PRPF18: variants seen among roughly 807,000 people sequenced by gnomAD.
PRPF18 encodes the protein pre-mRNA-splicing factor 18.
In PRPF18, 38 loss-of-function variants were observed where a neutral mutation model predicts 46.5. The observed-to-expected ratio is 0.82, with a 90% CI of 0.63 to 1.07. PRPF18 has a LOEUF of 1.07. Among genes scored for constraint, PRPF18 ranks in the 50% least tolerant of loss-of-function variants. The probability of loss-of-function intolerance (pLI) is 0.00; values close to 1 mark genes in which losing one functional copy is unlikely to be tolerated. For missense variants in PRPF18, 263 were observed against 410.0 expected (o/e 0.64, Z 3.10); for synonymous variants, 152 against 146.7 (o/e 1.04, Z -0.26).
At chr10:13,618,316 T>C (rs1490295917) in intron 9 of PRPF18, among the ~76,000 whole-genome samples, 1 of 152,028 alleles carries the variant, frequency 6.6e-6, no homozygotes, top group East Asian at 1.9e-4. Flanking sequence ...AAGCTTATAA[T>C]TTGGGCAGTG....
the PRPF18 span, among the ~76,000 whole-genome samples, chr10:13,637,415 C>T: frequency 1.3e-5 from 2 of 152,186 alleles, no homozygotes; most frequent in Non-Finnish European, 2.9e-5. Flanking sequence ...TTGCATTTCT[C>T]TAATGGCTAA....
chr10:13,604,693 C>T (rs1055960010), intron 3 of PRPF18, among the ~76,000 whole-genome samples: 6 of 152,152 alleles, frequency 3.9e-5, no homozygotes, highest in South Asian at 4.1e-4. Flanking sequence ...TTGGTCCTAT[C>T]GAAGCAGTGA....
At chr10:13,621,804 G>A (rs2080423876) in intron 9 of PRPF18, among the ~76,000 whole-genome samples, 1 of 152,170 alleles carries the variant, frequency 6.6e-6, no homozygotes, top group Non-Finnish European at 1.5e-5. Context: ...TCTCTGGCAA[G>A]TTGTTTTCAG....
chr10:13,605,765 T>A (rs376267365), intron 4 of PRPF18, 21 bp downstream of exon 4: 207 of 1,598,374 alleles, frequency 1.3e-4, no homozygotes, highest in Non-Finnish European at 1.7e-4. Context: ...AGAACAAAGC[T>A]AGAAAAATAC....
intron 1 of PRPF18, chr10:13,592,213 G>T: frequency 1.6e-6 from 1 of 612,548 alleles, no homozygotes; most frequent in Non-Finnish European, 3.0e-6. Flanking sequence ...TCCCCTTCTT[G>T]GGCTTCTTAG....
Position 13,605,643 on chromosome 10 carries a change from T to C in PRPF18, c.262T>C (p.Leu88=). Residue 88 remains leucine (L), a synonymous_variant, in exon 4 of 10, where the codon TTG becomes CTG. Coordinates refer to ENST00000378572, the MANE Select transcript of PRPF18 (RefSeq NM_003675.4). ...TLSRQEVIRR[L]RERGEPIRLF... is the part of the protein sequence containing the mutation. Reference sequence around the variant, plus strand: ...TTTCACTTTGTAGGTCATCAGAAGATTGAGAGAAAGAGGAGAACCAATCAG... The same window carrying C: ...TTTCACTTTGTAGGTCATCAGAAGACTGAGAGAAAGAGGAGAACCAATCAG... 1.2e-6 allele frequency: 2 copies of C among 1,603,926 alleles called. No homozygotes were observed. The highest frequency in any genetic ancestry group is 2.2e-5 in the East Asian group (1 of 44,582).
intron 9 of PRPF18, among the ~76,000 whole-genome samples, chr10:13,620,686 C>T (rs2080408846): frequency 1.3e-5 from 2 of 152,114 alleles, no homozygotes; most frequent in African/African-American, 4.8e-5. Context: ...CTTGTAATGT[C>T]TGAGATAATT....
intron 5 of PRPF18, among the ~76,000 whole-genome samples, chr10:13,611,187 CTT>C (rs35441441): frequency 3.4e-3 from 410 of 120,938 alleles, no homozygotes; most frequent in African/African-American, 6.6e-3. Flanking sequence ...CAGTTGTGGG[CTT>C]TTTTTTTTTT....
the PRPF18 span, chr10:13,654,554 A>G: frequency 7.6e-7 from 1 of 1,316,698 alleles, no homozygotes; most frequent in South Asian, 1.2e-5. Context: ...GCAGACAGGG[A>G]TCAGACACAG....
chr10:13,610,417 T>C (rs1377140037), intron 5 of PRPF18, among the ~76,000 whole-genome samples: 1 of 152,264 alleles, frequency 6.6e-6, no homozygotes, highest in African/African-American at 2.4e-5. Context: ...TGCATCTTTC[T>C]GTTTGTTGGT....
At chr10:13,629,646 A>G (rs1003151373) in intron 9 of PRPF18, among the ~76,000 whole-genome samples, 10 of 152,232 alleles carry the variant, frequency 6.6e-5, no homozygotes, top group Admixed American at 5.9e-4. Context: ...AAAGGATGTC[A>G]CTGAAGGTAG....
At chr10:13,589,400 T>G (rs576111616) in intron 1 of PRPF18, among the ~76,000 whole-genome samples, 154 of 152,338 alleles carry the variant, frequency 1.0e-3, no homozygotes, top group Admixed American at 2.4e-3. Context: ...TCTTTCCTGT[T>G]TTGTCACATA....
At chr10:13,616,660 C>T (rs1037646974) in intron 9 of PRPF18, 107 bp downstream of exon 9, 105 of 1,406,190 alleles carry the variant, frequency 7.5e-5, no homozygotes, top group Non-Finnish European at 9.0e-5. Context: ...TAGAACATAG[C>T]GTGATAGGAT....
rs2080342868 is a variant in PRPF18 at position 13,616,472 on chromosome 10, T to C, written c.867T>C (p.His289=). 6.2e-7 allele frequency: 1 copy of C among 1,613,986 alleles called. No homozygotes were observed. Among genetic ancestry groups the C allele is most frequent in the Non-Finnish European group, 8.5e-7 (1 of 1,179,836 alleles). ...TCGGTGTCACTATGGTTGGTATCCA[T>C]GCCAGAACTGGCAGAGAAAAGATTT... ...WPIGVTMVGI[H]ARTGREKIFS... Residue 289 remains histidine, a synonymous_variant, in exon 9 of 10, where the codon CAT becomes CAC. Coordinates refer to ENST00000378572, the MANE Select transcript of PRPF18 (RefSeq NM_003675.4).
At position 13,587,029 on chromosome 10, in the gene PRPF18, G is replaced by GT; in HGVS notation, c.-57dup. ...CAGTGGGTTCGCGGCCGCCGGCCCA[G>GT]TGAGGCTGGGTTCGAGGAGCTGGAG... is the stretch of plus-strand genomic sequence containing the variant. On this transcript the variant is annotated 5_prime_UTR_variant, in exon 1 of 10. Transcript: ENST00000378572. 1 of 1,577,398 alleles carries GT rather than the reference G, an allele frequency of 6.3e-7. No homozygotes were observed. Among genetic ancestry groups the GT allele is most frequent in the South Asian group, 1.1e-5 (1 of 90,304 alleles).
intron 6 of PRPF18, among the ~76,000 whole-genome samples, chr10:13,611,916 G>A (rs1483088587): frequency 2.8e-5 from 4 of 142,724 alleles, no homozygotes; most frequent in Non-Finnish European, 4.5e-5. Flanking sequence ...TCTTGCTCTT[G>A]TCTCTCAAGC....
At chr10:13,606,733 C>CAAAAAA (rs34162273) in intron 4 of PRPF18, among the ~76,000 whole-genome samples, 14,579 of 72,914 alleles carry the variant, frequency 0.2, 3,037 homozygotes, top group East Asian at 0.58. Context: ...GACTCCTTCT[C>CAAAAAA]AAAAAAAAAA....
the PRPF18 span, chr10:13,637,941 G>A: frequency 6.6e-6 from 1 of 152,182 alleles, no homozygotes; most frequent in Non-Finnish European, 1.5e-5. Context: ...AATGTGTGGT[G>A]TAGACACTAC....
chr10:13,630,170 C>A, intron 9 of PRPF18, 90 bp from the exon 10 acceptor site: 2 of 1,062,900 alleles, frequency 1.9e-6, no homozygotes, highest in African/African-American at 1.6e-5. Flanking sequence ...TTTATGGGGA[C>A]ATTGACAAAC....
Sources: allele counts gnomAD v4.1 joint callset (sites outside exome capture counted in the v4.1 genomes callset), GRCh38; gene constraint gnomAD v4.1.1; transcripts MANE v1.5; gene names NCBI Gene and HGNC (gene_info 2026-07-23, HGNC 2026-07-21).